SLBP: variants seen among roughly 807,000 people sequenced by gnomAD.
The protein encoded by SLBP is histone RNA hairpin-binding protein.
In SLBP, 29 loss-of-function variants were observed where a neutral mutation model predicts 39.2. The observed-to-expected ratio is 0.74, with a 90% CI of 0.55 to 1.01. The LOEUF is 1.01. Ranked by LOEUF, SLBP falls within the 50% of genes least tolerant of loss-of-function variation. SLBP has a pLI of 0.00. For synonymous variants in SLBP, 129 were observed against 118.7 expected, an observed-to-expected ratio of 1.09 and a Z score of -0.57; for missense variants, 390 against 350.2, an observed-to-expected ratio of 1.11 and a Z score of -0.91.
intron 7 of SLBP, 30 bp from the exon 8 acceptor site, chr4:1,693,743 A>G (rs778978423): frequency 1.4e-6 from 2 of 1,440,424 alleles, no homozygotes; most frequent in Admixed American, 1.7e-5. Context: ...CTCGGTTGAC[A>G]TTCATCTCAC....
rs1293850978 is a variant in SLBP, at chr4:1,711,853, A to T, written c.176+21T>A. Reference sequence around the variant, plus strand: ...TCGTCAAGGGCCCCACCGCGCCCCGACCCCCGGGTCCCGCGCCCACCTCTC... The same window carrying T: ...TCGTCAAGGGCCCCACCGCGCCCCGTCCCCCGGGTCCCGCGCCCACCTCTC... On this transcript the variant is annotated intron_variant, in intron 2 of 7. Coordinates refer to ENST00000489418, the MANE Select transcript of SLBP (RefSeq NM_006527.4). 3 of 1,255,100 alleles carry T rather than the reference A, an allele frequency of 2.4e-6. No homozygotes were observed. In the African/African-American group the frequency reaches 4.7e-5, roughly 20 times the overall value. 77.7% of individuals were successfully genotyped at this position (1,255,100 alleles called of 1,614,324 possible).
chr4:1,694,414 CAG>C (rs1396288073), intron 7 of SLBP, among the ~76,000 whole-genome samples: 3 of 141,998 alleles, frequency 2.1e-5, no homozygotes, highest in African/African-American at 5.2e-5. Flanking sequence ...TTTTTTGAGA[CAG>C]AGTCTTGCTC....
chr4:1,700,742 T>C (rs1716294203), intron 3 of SLBP, among the ~76,000 whole-genome samples: 1 of 152,044 alleles, frequency 6.6e-6, no homozygotes, highest in East Asian at 1.9e-4. Context: ...AATTTTTTTC[T>C]TTTTTTGGAG....
intron 2 of SLBP, among the ~76,000 whole-genome samples, chr4:1,710,250 T>C (rs918509962): frequency 3.3e-5 from 5 of 152,224 alleles, no homozygotes; most frequent in African/African-American, 1.2e-4. Context: ...GCCTCCCATG[T>C]AGACTCCTAC....
chr4:1,694,709 G>T, intron 7 of SLBP, 65 bp downstream of exon 7: 1 of 1,167,172 alleles, frequency 8.6e-7, no homozygotes, highest in Non-Finnish European at 1.3e-6. Context: ...AGTTTATAAG[G>T]CAGCATGTGT....
intron 2 of SLBP, among the ~76,000 whole-genome samples, chr4:1,709,068 CTTTTT>C (rs3993283): frequency 6.9e-6 from 1 of 144,984 alleles, no homozygotes; most frequent in African/African-American, 2.5e-5. Context: ...AGTCTTTTGT[CTTTTT>C]TTTTTTTTTG....
chr4:1,697,718 C>G (rs1349799446), intron 5 of SLBP, among the ~76,000 whole-genome samples: 2 of 151,690 alleles, frequency 1.3e-5, no homozygotes, highest in African/African-American at 4.8e-5. Context: ...GTGGCGCATG[C>G]CTGTAATTCC....
chr4:1,701,677 C>T (rs1401952585), intron 3 of SLBP, among the ~76,000 whole-genome samples: 9 of 152,022 alleles, frequency 5.9e-5, no homozygotes, highest in Admixed American at 2.0e-4. Flanking sequence ...GAGGCCGAGG[C>T]GGGCAAATCA....
rs1716818975 is a variant in SLBP, at chr4:1,712,303, C to T, written c.-115G>A. The T allele has an allele frequency of 1.7e-6, 1 of 603,744 alleles. No homozygotes were observed. Among genetic ancestry groups the T allele is most frequent in the Non-Finnish European group, 2.5e-6 (1 of 403,212 alleles). 37.4% of individuals were successfully genotyped at this position (603,744 alleles called of 1,614,324 possible). The stretch of plus-strand genomic sequence containing the variant: ...GAGGCAGAAACCCGCGTCCCCGCGC[C>T]GGCGCTCACGAGCTCTGCGCGCCCC... On this transcript the variant is annotated 5_prime_UTR_variant, in exon 1 of 8. Transcript: ENST00000489418.
chr4:1,704,288 C>G (rs1417332467), intron 2 of SLBP, among the ~76,000 whole-genome samples: 2 of 152,082 alleles, frequency 1.3e-5, no homozygotes, highest in African/African-American at 2.4e-5. Context: ...CAGAAAAACC[C>G]ATATCTAGTT....
Position 1,693,535 on chromosome 4 carries a change from C to T in SLBP, c.*62G>A. ...TACAAGTGCACACACATGCTTGGTG[C>T]CTGGCCAGCCTTCCACCTAGTCGGG... On this transcript the variant is annotated 3_prime_UTR_variant, in exon 8 of 8. Transcript: ENST00000489418. 1.1e-6 allele frequency: 1 copy of T among 942,856 alleles called. No individual in the cohort carries two copies. Among genetic ancestry groups the T allele is most frequent in the Non-Finnish European group, 1.8e-6 (1 of 571,034 alleles). The allele number at this position is 942,856 out of a possible 1,614,324, so 58.4% of individuals were successfully genotyped here.
Position 1,696,261 on chromosome 4 carries a change from C to G in SLBP, c.570G>C (p.Trp190Cys). The part of the protein sequence containing the change: ...RRSWDQQIKL[W>C]KVALHFWDPP... ...GATCCCAAAAATGCAGAGCCACCTT[C>G]CAGAGTTTGATTTGCTGGTCCCATG... The change falls in exon 6 of 8, where the codon TGG becomes TGC. Residue 190 changes from tryptophan to cysteine, a missense_variant. Physicochemically the swap from Trp to Cys is radical, Grantham distance 215. Transcript: ENST00000489418. The G allele has an allele frequency of 6.2e-7, 1 of 1,605,322 alleles. No homozygotes were observed. Among genetic ancestry groups the G allele is most frequent in the South Asian group, 1.1e-5 (1 of 89,294 alleles).
Position 1,693,162 on chromosome 4 carries a change from A to C in SLBP, c.*435T>G, listed in dbSNP as rs532799488. The C allele has an allele frequency of 1.1e-4, 17 of 158,824 alleles. No individual in the cohort carries two copies. The highest frequency in any genetic ancestry group is 2.0e-4 in the Non-Finnish European group (14 of 71,516). 9.8% of individuals were successfully genotyped at this position (158,824 alleles called of 1,614,324 possible). ...GGCCAAAAATTAAGTTTCCATAAAG[A>C]TATTAAAGGTGTCTGAGAATACTTT... is the stretch of plus-strand genomic sequence containing the variant. On this transcript the variant is annotated 3_prime_UTR_variant, in exon 8 of 8. Transcript: ENST00000489418.
chr4:1,703,091 G>T (rs1227835566), intron 3 of SLBP, among the ~76,000 whole-genome samples: 1 of 152,018 alleles, frequency 6.6e-6, no homozygotes, highest in Admixed American at 6.6e-5. Flanking sequence ...ACAAAAATTA[G>T]CCAGGCGTGG....
chr4:1,711,792 C>T (rs1716783519), intron 2 of SLBP, 82 bp downstream of exon 2: 1 of 715,670 alleles, frequency 1.4e-6, no homozygotes. Flanking sequence ...ATCCCGGCAC[C>T]GCGAGAGCGC....
chr4:1,693,422 A>G lies in SLBP; in HGVS notation c.*175T>C. 1 of 577,452 alleles carries G rather than the reference A, an allele frequency of 1.7e-6. No individual in the cohort carries two copies. Among genetic ancestry groups the G allele is most frequent in the Non-Finnish European group, 3.1e-6 (1 of 321,914 alleles). The allele number at this position is 577,452 out of a possible 1,614,324, so 35.8% of individuals were successfully genotyped here. A position where few individuals can be genotyped will look rare whatever the true frequency, so the allele number is the denominator to read the frequency against. ...AATTTAAAACATGCAAAATATACTCACTATACATAAAATTAATGTTTCTTA... is the reference window on the plus strand; with the variant it reads ...AATTTAAAACATGCAAAATATACTCGCTATACATAAAATTAATGTTTCTTA... On this transcript the variant is annotated 3_prime_UTR_variant, in exon 8 of 8. Coordinates refer to ENST00000489418, the MANE Select transcript of SLBP (RefSeq NM_006527.4).
At chr4:1,700,929 CAA>C (rs1351649805) in intron 3 of SLBP, among the ~76,000 whole-genome samples, 2 of 151,886 alleles carry the variant, frequency 1.3e-5, no homozygotes, top group African/African-American at 4.8e-5. Context: ...AAAATCCACC[CAA>C]GTTTGCTGAG....
chr4:1,696,003 C>G (rs532426255), intron 6 of SLBP, among the ~76,000 whole-genome samples, 199 bp downstream of exon 6: 3 of 152,218 alleles, frequency 2.0e-5, no homozygotes, highest in South Asian at 2.1e-4. Flanking sequence ...AAAATAAATT[C>G]AATCCAGGAA....
chr4:1,696,387 T>C (rs1295578946), intron 5 of SLBP, 36 bp from the exon 6 acceptor site: 2 of 1,491,774 alleles, frequency 1.3e-6, no homozygotes, highest in Non-Finnish European at 1.8e-6. Context: ...CATGCCCACA[T>C]GCCACTCACA....
Sources: allele counts gnomAD v4.1 joint callset (sites outside exome capture counted in the v4.1 genomes callset), GRCh38; gene constraint gnomAD v4.1.1; transcripts MANE v1.5; gene names NCBI Gene and HGNC (gene_info 2026-07-23, HGNC 2026-07-21).